Variants in COLGALT2 observed in about 807,000 individuals in gnomAD.
COLGALT2 encodes collagen beta(1-O)galactosyltransferase 2.
COLGALT2 carries 49 observed loss-of-function variants against 73.4 expected under a neutral mutation model. The observed-to-expected ratio is 0.67, with a 90% CI of 0.53 to 0.85. The LOEUF (loss-of-function observed/expected upper bound fraction) is 0.85, where lower values mean the gene tolerates loss of function less well. Ranked by LOEUF, COLGALT2 falls within the 40% of genes least tolerant of loss-of-function variation. The pLI, the probability that COLGALT2 is intolerant of heterozygous loss-of-function variation, is 0.00. For synonymous variants in COLGALT2, 295 were observed against 307.6 expected (o/e 0.96, Z 0.43); for missense variants, 722 against 790.2 (o/e 0.91, Z 1.03).
chr1:184,023,553 A>G (rs1385736340), intron 1 of COLGALT2, among the ~76,000 whole-genome samples: 1 of 151,320 alleles, frequency 6.6e-6, no homozygotes, highest in Non-Finnish European at 1.5e-5. Flanking sequence ...AACACCAGTA[A>G]CTTTTGCAAA....
chr1:184,002,554 T>C (rs1373584472), intron 1 of COLGALT2, among the ~76,000 whole-genome samples: 3 of 152,236 alleles, frequency 2.0e-5, no homozygotes, highest in Non-Finnish European at 4.4e-5. Flanking sequence ...AGAAAGTTAA[T>C]CTTTGTATAC....
At chr1:183,959,534 C>G (rs1670640085) in intron 6 of COLGALT2, among the ~76,000 whole-genome samples, 1 of 152,122 alleles carries the variant, frequency 6.6e-6, no homozygotes, top group African/African-American at 2.4e-5. Flanking sequence ...TCTGTAAGTC[C>G]TGTTGCTCCA....
At chr1:184,026,498 A>G (rs1401163181) in intron 1 of COLGALT2, among the ~76,000 whole-genome samples, 1 of 152,176 alleles carries the variant, frequency 6.6e-6, no homozygotes, top group Non-Finnish European at 1.5e-5. Context: ...TGCTATATCA[A>G]CTTCTTAAAA....
intron 8 of COLGALT2, among the ~76,000 whole-genome samples, chr1:183,950,237 G>A (rs1302156449): frequency 2.0e-5 from 3 of 152,066 alleles, no homozygotes; most frequent in Admixed American, 2.0e-4. Flanking sequence ...TTAACCATCC[G>A]TGGGGACTCT....
intron 1 of COLGALT2, among the ~76,000 whole-genome samples, chr1:183,984,233 C>T (rs913375183): frequency 3.3e-5 from 5 of 152,152 alleles, no homozygotes; most frequent in Non-Finnish European, 7.3e-5. Flanking sequence ...GGTGAAACCC[C>T]GTCTCTACTA....
Position 183,938,572 on chromosome 1 carries a change from T to G in COLGALT2, c.*189A>C. On this transcript the variant is annotated 3_prime_UTR_variant, in exon 12 of 12. Coordinates refer to ENST00000361927, the MANE Select transcript of COLGALT2 (RefSeq NM_015101.4). ...TTTCAGCCGTCTTGGGAAATTTGGG[T>G]TGAATTTCCTTATTTCCTTCCATGG... 4.9e-6 allele frequency: 7 copies of G among 1,420,484 alleles called. No individual in the cohort carries two copies. Among genetic ancestry groups the G allele is most frequent in the Non-Finnish European group, 6.4e-6 (7 of 1,090,158 alleles). 88.0% of individuals were successfully genotyped at this position (1,420,484 alleles called of 1,614,324 possible).
chr1:184,034,524 T>G (rs780818681), intron 1 of COLGALT2, among the ~76,000 whole-genome samples: 6 of 144,032 alleles, frequency 4.2e-5, no homozygotes, highest in Non-Finnish European at 6.1e-5. Flanking sequence ...ATGAATCATA[T>G]TTATCTGTAA....
chr1:183,976,969 A>G (rs1349370990), intron 2 of COLGALT2, among the ~76,000 whole-genome samples: 1 of 152,214 alleles, frequency 6.6e-6, no homozygotes, highest in African/African-American at 2.4e-5. Context: ...TGGAAATAAA[A>G]GAAACGTTCT....
intron 1 of COLGALT2, among the ~76,000 whole-genome samples, chr1:184,004,100 T>C (rs916817064): frequency 6.6e-6 from 1 of 152,120 alleles, no homozygotes. Context: ...TAGATTAAGG[T>C]GCAGGTTGAA....
chr1:184,017,887 T>C (rs565365225), intron 1 of COLGALT2, among the ~76,000 whole-genome samples: 2 of 152,284 alleles, frequency 1.3e-5, no homozygotes, highest in East Asian at 3.9e-4. Flanking sequence ...CTACTACTAC[T>C]ATGTGTTTCA....
intron 6 of COLGALT2, among the ~76,000 whole-genome samples, chr1:183,957,350 T>C (rs1558314078): frequency 6.6e-6 from 1 of 152,128 alleles, no homozygotes; most frequent in Non-Finnish European, 1.5e-5. Flanking sequence ...AGCTCTTAAT[T>C]CCCATTCCAC....
At chr1:184,010,438 C>T (rs559161750) in intron 1 of COLGALT2, among the ~76,000 whole-genome samples, 30 of 152,292 alleles carry the variant, frequency 2.0e-4, no homozygotes, top group African/African-American at 6.5e-4. Flanking sequence ...GGGAGAGCTT[C>T]GCTATGGAAT....
intron 1 of COLGALT2, among the ~76,000 whole-genome samples, chr1:184,024,898 C>T: frequency 6.6e-6 from 1 of 152,132 alleles, no homozygotes; most frequent in Non-Finnish European, 1.5e-5. Flanking sequence ...AGGTCTTGGG[C>T]CTCACAAGAA....
At chr1:183,969,194 A>G in intron 5 of COLGALT2, 75 bp downstream of exon 5, 1 of 1,304,300 alleles carries the variant, frequency 7.7e-7, no homozygotes, top group East Asian at 2.4e-5. Context: ...TTTTTTTAAT[A>G]AAATGCACAA....
intron 6 of COLGALT2, 94 bp downstream of exon 6, chr1:183,963,807 G>A: frequency 7.6e-7 from 1 of 1,320,290 alleles, no homozygotes; most frequent in Middle Eastern, 2.8e-4. Flanking sequence ...ACTGATGGCT[G>A]TGAGATTCCA....
At chr1:184,012,976 G>C (rs1352575372) in intron 1 of COLGALT2, among the ~76,000 whole-genome samples, 2 of 152,236 alleles carry the variant, frequency 1.3e-5, no homozygotes, top group African/African-American at 2.4e-5. Context: ...GCTGAGCCTA[G>C]GGGGCAGATC....
intron 1 of COLGALT2, among the ~76,000 whole-genome samples, chr1:184,000,826 T>A (rs1334218250): frequency 9.7e-6 from 1 of 103,076 alleles, no homozygotes; most frequent in Non-Finnish European, 1.8e-5. Flanking sequence ...CAGCCCCCCA[T>A]TTTTTTTTTT....
In COLGALT2 at chr1:183,936,749, T is replaced by G. The variant is rs1486418914; in HGVS notation, c.*2012A>C. On this transcript the variant is annotated 3_prime_UTR_variant, in exon 12 of 12. Coordinates refer to ENST00000361927, the MANE Select transcript of COLGALT2 (RefSeq NM_015101.4). ...GATGCTCTTTCTGTTTTTCTGGGGG[T>G]GGGTGGGAAAGGAAGTCACACTGAC... 1 of 1,230,638 alleles carries G rather than the reference T, an allele frequency of 8.1e-7. No individual in the cohort carries two copies. The highest frequency in any genetic ancestry group is 1.6e-5 in the African/African-American group (1 of 64,342). The allele number at this position is 1,230,638 out of a possible 1,614,324, so 76.2% of individuals were successfully genotyped here.
At chr1:183,991,095 T>C (rs1671617547) in intron 1 of COLGALT2, among the ~76,000 whole-genome samples, 1 of 152,234 alleles carries the variant, frequency 6.6e-6, no homozygotes, top group African/African-American at 2.4e-5. Flanking sequence ...AGTCTGGGTT[T>C]TCTGCGAAAG....
Sources: allele counts gnomAD v4.1 joint callset (sites outside exome capture counted in the v4.1 genomes callset), GRCh38; gene constraint gnomAD v4.1.1; transcripts MANE v1.5; gene names NCBI Gene and HGNC (gene_info 2026-07-23, HGNC 2026-07-21).